Variants in CNTN5 observed in about 807,000 individuals in gnomAD.
CNTN5 encodes contactin 5, also known as contactin-5.
In CNTN5, 77 loss-of-function variants were observed where a neutral mutation model predicts 129.1. The observed-to-expected ratio is 0.60, with a 90% CI of 0.50 to 0.72. The LOEUF (loss-of-function observed/expected upper bound fraction) is 0.72. Among genes scored for constraint, CNTN5 ranks in the 30% least tolerant of loss-of-function variants. The probability of loss-of-function intolerance (pLI) is 0.00; values close to 1 mark genes in which losing one functional copy is unlikely to be tolerated. For synonymous variants in CNTN5, 509 were observed against 465.6 expected, an observed-to-expected ratio of 1.09 and a Z score of -1.20; for missense variants, 1,478 against 1,328.8, an observed-to-expected ratio of 1.11 and a Z score of -1.75.
At chr11:99,806,167 T>C (rs1439766817) in intron 3 of CNTN5, among the ~76,000 whole-genome samples, 2 of 152,170 alleles carry the variant, frequency 1.3e-5, no homozygotes, top group Non-Finnish European at 2.9e-5. Flanking sequence ...GACTAAATAT[T>C]CACTGACTTT....
At chr11:99,426,792 T>C (rs1943140724) in intron 2 of CNTN5, among the ~76,000 whole-genome samples, 1 of 152,188 alleles carries the variant, frequency 6.6e-6, no homozygotes, top group East Asian at 1.9e-4. Context: ...ATTTTGATTG[T>C]CATATTCTAC....
intron 2 of CNTN5, among the ~76,000 whole-genome samples, chr11:99,436,269 T>G (rs1159508335): frequency 6.6e-6 from 1 of 152,176 alleles, no homozygotes; most frequent in Non-Finnish European, 1.5e-5. Context: ...TGGAGAATCC[T>G]ATGAGATAGA....
At chr11:99,929,665 C>T (rs776175210) in intron 7 of CNTN5, among the ~76,000 whole-genome samples, 4 of 152,138 alleles carry the variant, frequency 2.6e-5, no homozygotes, top group Admixed American at 6.5e-5. Context: ...TGAGAACTTA[C>T]TGACTTCATG....
At chr11:100,073,692 T>G (rs1944017752) in intron 12 of CNTN5, among the ~76,000 whole-genome samples, 1 of 151,930 alleles carries the variant, frequency 6.6e-6, no homozygotes, top group Non-Finnish European at 1.5e-5. Context: ...ATATAAAACA[T>G]TTAATGTTTT....
At chr11:99,868,947 GAC>G (rs1565622684) in intron 6 of CNTN5, among the ~76,000 whole-genome samples, 1 of 152,162 alleles carries the variant, frequency 6.6e-6, no homozygotes, top group Non-Finnish European at 1.5e-5. Context: ...TTAAAATGCT[GAC>G]AGGCAATAGC....
At chr11:99,524,175 A>G (rs1252684782) in intron 2 of CNTN5, among the ~76,000 whole-genome samples, 1 of 152,216 alleles carries the variant, frequency 6.6e-6, no homozygotes, top group Non-Finnish European at 1.5e-5. Flanking sequence ...AAAATGGTCA[A>G]TCACAGTTTC....
intron 2 of CNTN5, among the ~76,000 whole-genome samples, chr11:99,531,650 G>C (rs1009047921): frequency 6.6e-6 from 1 of 152,194 alleles, no homozygotes; most frequent in South Asian, 2.1e-4. Context: ...CTATGGACTT[G>C]GTGCACTGTG....
At chr11:99,714,149 C>T (rs1955120400) in intron 3 of CNTN5, among the ~76,000 whole-genome samples, 1 of 151,780 alleles carries the variant, frequency 6.6e-6, no homozygotes, top group Non-Finnish European at 1.5e-5. Context: ...TTAATATTAT[C>T]AAGTAAATAT....
chr11:100,071,078 T>A (rs1368369158), intron 11 of CNTN5, among the ~76,000 whole-genome samples: 1 of 152,152 alleles, frequency 6.6e-6, no homozygotes, highest in East Asian at 1.9e-4. Flanking sequence ...TTTTGAAATA[T>A]GCTCTTGACT....
intron 2 of CNTN5, among the ~76,000 whole-genome samples, chr11:99,418,188 T>A (rs1430510705): frequency 2.6e-5 from 4 of 152,160 alleles, no homozygotes; most frequent in African/African-American, 9.7e-5. Context: ...AATATTGGGA[T>A]AATTTCATGA....
intron 1 of CNTN5, among the ~76,000 whole-genome samples, chr11:99,214,212 G>A (rs1232034259): frequency 6.6e-6 from 1 of 151,974 alleles, no homozygotes; most frequent in Admixed American, 6.6e-5. Flanking sequence ...AGGGGAAATG[G>A]TAGTTTGGAC....
intron 2 of CNTN5, among the ~76,000 whole-genome samples, chr11:99,521,389 C>T (rs188642636): frequency 2.6e-5 from 4 of 152,074 alleles, no homozygotes; most frequent in African/African-American, 9.7e-5. Flanking sequence ...TCACAAGTTT[C>T]TTTTTAAGTT....
At chr11:99,817,597 T>A (rs962161290) in intron 3 of CNTN5, among the ~76,000 whole-genome samples, 2 of 13,528 alleles carry the variant, frequency 1.5e-4, no homozygotes, top group Non-Finnish European at 2.8e-4. Flanking sequence ...TCTGGGATAG[T>A]TTTTTTTTTT....
At chr11:100,040,226 G>A (rs943300538) in intron 9 of CNTN5, among the ~76,000 whole-genome samples, 1 of 152,176 alleles carries the variant, frequency 6.6e-6, no homozygotes, top group African/African-American at 2.4e-5. Context: ...GAGTTTGCTA[G>A]AGGTCCACTC....
At chr11:99,748,756 C>T (rs1369037037) in intron 3 of CNTN5, among the ~76,000 whole-genome samples, 1 of 152,208 alleles carries the variant, frequency 6.6e-6, no homozygotes, top group Admixed American at 6.5e-5. Flanking sequence ...TTTGCCCTTT[C>T]TCTACTTTTT....
chr11:99,849,861 A>G (rs1591307826), intron 6 of CNTN5, among the ~76,000 whole-genome samples: 1 of 152,246 alleles, frequency 6.6e-6, no homozygotes, highest in Admixed American at 6.5e-5. Context: ...TCCCTATTCC[A>G]GTATAAATGT....
At chr11:100,047,031 C>T (rs976902684) in intron 9 of CNTN5, among the ~76,000 whole-genome samples, 3 of 151,986 alleles carry the variant, frequency 2.0e-5, no homozygotes, top group African/African-American at 4.8e-5. Flanking sequence ...GGGCAAGTAA[C>T]AGGAATAGAG....
chr11:99,704,512 C>T (rs928244976), intron 3 of CNTN5, among the ~76,000 whole-genome samples: 3 of 150,956 alleles, frequency 2.0e-5, no homozygotes, highest in Non-Finnish European at 4.5e-5. Context: ...ATATGAAATA[C>T]TAGAAATGTT....
intron 2 of CNTN5, among the ~76,000 whole-genome samples, chr11:99,448,857 A>C (rs1344468680): frequency 6.7e-6 from 1 of 150,052 alleles, no homozygotes; most frequent in African/African-American, 2.5e-5. Context: ...GGCTCATTGC[A>C]GCCTCTGTCT....
Sources: allele counts gnomAD v4.1 joint callset (sites outside exome capture counted in the v4.1 genomes callset), GRCh38; gene constraint gnomAD v4.1.1; transcripts MANE v1.5; gene names NCBI Gene and HGNC (gene_info 2026-07-23, HGNC 2026-07-21).